Variants in DNM3 observed in about 807,000 individuals in gnomAD.
The protein encoded by DNM3 is dynamin 3, also known as dynamin-3.
A neutral mutation model predicts 101.6 loss-of-function variants in DNM3; 47 were observed. The observed-to-expected ratio is 0.46, with a 90% CI of 0.37 to 0.59. The LOEUF is 0.59. DNM3 is among the 20% of genes least tolerant of loss of function. The pLI, the probability that DNM3 is intolerant of heterozygous loss-of-function variation, is 0.00. For synonymous variants in DNM3, 385 were observed against 387.9 expected (o/e 0.99, Z 0.09); for missense variants, 849 against 1,085.7 (o/e 0.78, Z 3.06).
In DNM3 at chr1:172,159,424, A is replaced by G. The variant is rs541238913; in HGVS notation, c.1659+28136A>G. Among the ~76,000 whole-genome samples, 4 of 152,184 alleles carry G rather than the reference A, an allele frequency of 2.6e-5. No homozygotes were observed. The East Asian group carries it at 7.7e-4, about 29-fold the overall frequency. Reference sequence around the variant, plus strand: ...GTAAATATAGTCTGCTCCACCTAGAACTGAACTTATTTTCATATGGATTGG... The same window carrying G: ...GTAAATATAGTCTGCTCCACCTAGAGCTGAACTTATTTTCATATGGATTGG... On this transcript the variant is annotated intron_variant, in intron 14 of 20. Coordinates refer to ENST00000627582, the MANE Select transcript of DNM3 (RefSeq NM_015569.5).
intron 13 of DNM3, among the ~76,000 whole-genome samples, chr1:172,096,875 A>G (rs2054281122): frequency 6.6e-6 from 1 of 152,232 alleles, no homozygotes; most frequent in African/African-American, 2.4e-5. Context: ...AACTAGAGAT[A>G]TGGGAATTGG....
At chr1:172,217,979 T>G (rs1055321827) in intron 14 of DNM3, among the ~76,000 whole-genome samples, 1 of 152,166 alleles carries the variant, frequency 6.6e-6, no homozygotes, top group Non-Finnish European at 1.5e-5. Flanking sequence ...TTTTAGATAA[T>G]GAGGTAGGAA....
intron 20 of DNM3, among the ~76,000 whole-genome samples, chr1:172,406,394 C>T (rs573882779): frequency 2.4e-3 from 371 of 152,096 alleles, no homozygotes; most frequent in Non-Finnish European, 4.2e-3. Context: ...ATTCAAGATT[C>T]AGGACATAAG....
chr1:172,348,566 C>T (rs2067052928), intron 17 of DNM3, among the ~76,000 whole-genome samples: 1 of 152,070 alleles, frequency 6.6e-6, no homozygotes, highest in South Asian at 2.1e-4. Context: ...AAATTTTTCA[C>T]ACATTTATGT....
chr1:171,862,386 A>G (rs2034268498), intron 1 of DNM3, among the ~76,000 whole-genome samples: 1 of 152,234 alleles, frequency 6.6e-6, no homozygotes, highest in African/African-American at 2.4e-5. Context: ...TACATTGAAT[A>G]CAATGGAGTA....
chr1:171,885,930 G>A (rs1367405687), intron 1 of DNM3, among the ~76,000 whole-genome samples: 1 of 152,140 alleles, frequency 6.6e-6, no homozygotes, highest in Non-Finnish European at 1.5e-5. Flanking sequence ...ACCCCTGAGG[G>A]TACAGGATGA....
Position 172,409,141 on chromosome 1 carries a change from A to C in DNM3, c.*1300A>C. On this transcript the variant is annotated 3_prime_UTR_variant, in exon 21 of 21. Transcript: ENST00000627582. ...ACCAAGGACCAGATGATTCACATGT[A>C]GGAAACAGCCAGAAGCCAACTGGAA... is the stretch of plus-strand genomic sequence containing the variant. 1 of 985,402 alleles carries C rather than the reference A, an allele frequency of 1.0e-6. No individual in the cohort carries two copies. Among genetic ancestry groups the C allele is most frequent in the East Asian group, 1.1e-4 (1 of 8,818 alleles). The allele number at this position is 985,402 out of a possible 1,614,324, so 61.0% of individuals were successfully genotyped here. A position where few individuals can be genotyped will look rare whatever the true frequency, so the allele number is the denominator to read the frequency against.
At chr1:172,245,602 T>G (rs1007021885) in intron 14 of DNM3, among the ~76,000 whole-genome samples, 4 of 152,218 alleles carry the variant, frequency 2.6e-5, no homozygotes, top group African/African-American at 9.6e-5. Flanking sequence ...GTAGTTTGAA[T>G]GAAAGGTTCA....
chr1:171,849,469 T>A (rs530178535), intron 1 of DNM3, among the ~76,000 whole-genome samples: 3 of 152,360 alleles, frequency 2.0e-5, no homozygotes, highest in African/African-American at 7.2e-5. Context: ...CTGGACATTT[T>A]TTGAGTGTTT....
chr1:171,927,352 G>T (rs1195525989), intron 2 of DNM3, among the ~76,000 whole-genome samples: 1 of 151,988 alleles, frequency 6.6e-6, no homozygotes. Flanking sequence ...TTTAAGTCCA[G>T]TAAGCCCAGT....
At chr1:172,290,634 G>A (rs1336706325) in intron 15 of DNM3, among the ~76,000 whole-genome samples, 4 of 152,140 alleles carry the variant, frequency 2.6e-5, no homozygotes, top group Admixed American at 6.6e-5. Flanking sequence ...TCTTTGTGGC[G>A]AGTGGAGCAA....
At chr1:172,045,680 A>G (rs955769971) in intron 9 of DNM3, among the ~76,000 whole-genome samples, 2 of 152,236 alleles carry the variant, frequency 1.3e-5, no homozygotes, top group African/African-American at 4.8e-5. Context: ...AAGGCTAAAC[A>G]TAACTTAATG....
intron 2 of DNM3, among the ~76,000 whole-genome samples, chr1:171,929,704 G>A (rs1037895174): frequency 2.6e-5 from 4 of 152,180 alleles, no homozygotes; most frequent in Non-Finnish European, 5.9e-5. Flanking sequence ...CCCTCTAGGA[G>A]CTCCATCCCA....
At chr1:172,133,543 T>C (rs1468066160) in intron 14 of DNM3, among the ~76,000 whole-genome samples, 6 of 152,156 alleles carry the variant, frequency 3.9e-5, no homozygotes, top group African/African-American at 1.4e-4. Flanking sequence ...GTTTCATCCA[T>C]TTAGATCATT....
At chr1:172,066,980 G>A (rs1476181183) in intron 10 of DNM3, among the ~76,000 whole-genome samples, 2 of 151,912 alleles carry the variant, frequency 1.3e-5, no homozygotes, top group Non-Finnish European at 2.9e-5. Context: ...GTGTGTTTGT[G>A]TGTGTGTGCG....
chr1:172,043,460 T>A (rs2049541368), intron 8 of DNM3, among the ~76,000 whole-genome samples: 1 of 152,136 alleles, frequency 6.6e-6, no homozygotes, highest in Non-Finnish European at 1.5e-5. Flanking sequence ...GGTAAATAGA[T>A]AATTTCATTA....
Position 172,147,263 on chromosome 1 carries a change from T to A in DNM3, c.1659+15975T>A, listed in dbSNP as rs964757706. 2.6e-5 allele frequency among the ~76,000 whole-genome samples: 4 copies of A among 151,220 alleles called. 1 individual carries two copies. The South Asian group carries it at 8.3e-4, about 31-fold the overall frequency. On this transcript the variant is annotated intron_variant, in intron 14 of 20. Transcript: ENST00000627582. ...CTGTTACCAAGTGCAGTTTAAAAAG[T>A]TGGTCATTCTGCTCTGAAAAGTCCT...
At chr1:172,176,288 T>A (rs555462401) in intron 14 of DNM3, among the ~76,000 whole-genome samples, 46 of 151,798 alleles carry the variant, frequency 3.0e-4, no homozygotes, top group African/African-American at 1.1e-3. Flanking sequence ...AACTAAGGAA[T>A]GTAGGTAGCT....
At chr1:172,294,410 T>C (rs1349235197) in intron 15 of DNM3, among the ~76,000 whole-genome samples, 1 of 152,178 alleles carries the variant, frequency 6.6e-6, no homozygotes, top group Non-Finnish European at 1.5e-5. Flanking sequence ...TATTTGTCCA[T>C]TTTCTTATTC....
Sources: gnomAD v4.1 joint callset for allele counts (sites outside exome capture counted in the v4.1 genomes callset) on GRCh38, gnomAD v4.1.1 for gene constraint, MANE v1.5 for transcripts, NCBI Gene and HGNC (gene_info 2026-07-23, HGNC 2026-07-21) for gene names.